The following NTNG1 variants were observed in gnomAD, a reference collection of about 807,000 sequenced individuals.
NTNG1 encodes netrin-G1.
NTNG1 carries 16 observed loss-of-function variants against 54.0 expected under a neutral mutation model. The ratio of observed to expected loss-of-function variants is 0.30; its 90% CI spans 0.20 to 0.45. The LOEUF (loss-of-function observed/expected upper bound fraction) is 0.45, where lower values mean the gene tolerates loss of function less well. NTNG1 is among the 20% of genes least tolerant of loss of function. The pLI, the probability that NTNG1 is intolerant of heterozygous loss-of-function variation, is 1.00. For missense variants in NTNG1, 530 were observed against 678.7 expected, an observed-to-expected ratio of 0.78 and a Z score of 2.43; for synonymous variants, 255 against 263.1, an observed-to-expected ratio of 0.97 and a Z score of 0.30.
intron 2 of NTNG1, among the ~76,000 whole-genome samples, chr1:107,179,104 A>G (rs2101123872): frequency 6.6e-6 from 1 of 152,336 alleles, no homozygotes. Context: ...GGGCCCTGAA[A>G]GATGGGCTCT....
rs540599788 is a variant in NTNG1 at position 107,266,097 on chromosome 1, G to A, written c.247-58185G>A. ...ATTGCTTATCTTCTTCTTTTTCCTGGAATGTGAAATCCTATGTCTCATTCA... is the reference window on the plus strand; with the variant it reads ...ATTGCTTATCTTCTTCTTTTTCCTGAAATGTGAAATCCTATGTCTCATTCA... On this transcript the variant is annotated intron_variant, in intron 2 of 7. Coordinates refer to ENST00000370068, the MANE Select transcript of NTNG1 (RefSeq NM_001113226.3). Among the ~76,000 whole-genome samples the A allele has an allele frequency of 2.0e-5, 3 of 152,108 alleles. No individual in the cohort carries two copies. The South Asian group carries it at 6.2e-4, about 32-fold the overall frequency.
chr1:107,364,088 T>A (rs145002831), intron 3 of NTNG1, among the ~76,000 whole-genome samples: 269 of 152,320 alleles, frequency 1.8e-3, no homozygotes, highest in African/African-American at 5.8e-3. Flanking sequence ...CTTATTTTAT[T>A]GAAAATATGT....
intron 2 of NTNG1, among the ~76,000 whole-genome samples, chr1:107,247,064 T>C (rs1257079263): frequency 6.6e-6 from 1 of 152,128 alleles, no homozygotes; most frequent in Admixed American, 6.5e-5. Flanking sequence ...CTAAAGTACA[T>C]TTGAGGAGAC....
chr1:107,349,662 C>A (rs1669480894), intron 3 of NTNG1, among the ~76,000 whole-genome samples: 1 of 152,090 alleles, frequency 6.6e-6, no homozygotes, highest in Admixed American at 6.6e-5. Context: ...AGTTTTAGCA[C>A]ATGGATACTT....
At chr1:107,221,816 T>G (rs1221783383) in intron 2 of NTNG1, among the ~76,000 whole-genome samples, 1 of 152,100 alleles carries the variant, frequency 6.6e-6, no homozygotes, top group Non-Finnish European at 1.5e-5. Flanking sequence ...TGCCATCCTT[T>G]GGAAAGTTGA....
At chr1:107,454,430 G>A (rs1676809889) in intron 7 of NTNG1, among the ~76,000 whole-genome samples, 1 of 152,140 alleles carries the variant, frequency 6.6e-6, no homozygotes, top group African/African-American at 2.4e-5. Flanking sequence ...AGTAGACACT[G>A]CTGAGACATA....
chr1:107,440,967 T>C (rs943063154), intron 7 of NTNG1, among the ~76,000 whole-genome samples: 19 of 152,140 alleles, frequency 1.2e-4, no homozygotes, highest in African/African-American at 4.6e-4. Context: ...TAATAAGATT[T>C]CAAGCAGGCC....
intron 7 of NTNG1, among the ~76,000 whole-genome samples, chr1:107,437,620 A>T (rs1003354323): frequency 3.3e-5 from 5 of 152,238 alleles, no homozygotes; most frequent in African/African-American, 1.2e-4. Context: ...TAGAAAATCA[A>T]GCAAGCCACA....
At chr1:107,367,824 C>T (rs979645560) in intron 3 of NTNG1, among the ~76,000 whole-genome samples, 4 of 151,896 alleles carry the variant, frequency 2.6e-5, no homozygotes, top group African/African-American at 4.8e-5. Context: ...TGCAGTGGTG[C>T]GATCTCAGCT....
At chr1:107,431,032 A>G in intron 6 of NTNG1, 115 bp downstream of exon 6, 1 of 845,564 alleles carries the variant, frequency 1.2e-6, no homozygotes. Flanking sequence ...AACTTTCTCA[A>G]TGTAGAAAAT....
chr1:107,255,591 C>G (rs1297046553), intron 2 of NTNG1, among the ~76,000 whole-genome samples: 2 of 152,116 alleles, frequency 1.3e-5, no homozygotes, highest in Non-Finnish European at 2.9e-5. Context: ...CATTAACTGC[C>G]CTTTTGTCTC....
chr1:107,383,279 C>T (rs957178069), intron 3 of NTNG1, among the ~76,000 whole-genome samples: 8 of 152,208 alleles, frequency 5.3e-5, no homozygotes, highest in Non-Finnish European at 8.8e-5. Flanking sequence ...CAGAGCCTGC[C>T]TGAACTCTGT....
rs1352452646 is a variant in NTNG1 at position 107,148,574 on chromosome 1, A to G, written c.-20A>G. 1 of 1,610,366 alleles carries G rather than the reference A, an allele frequency of 6.2e-7. No homozygotes were observed. Among genetic ancestry groups the G allele is most frequent in the African/African-American group, 1.3e-5 (1 of 74,826 alleles). On this transcript the variant is annotated 5_prime_UTR_variant, in exon 2 of 8. Coordinates refer to ENST00000370068, the MANE Select transcript of NTNG1 (RefSeq NM_001113226.3). ...GCAAGCTCTGCTTTAGTTTCCAAGA[A>G]GATTACAAAGAATTTAGAGATGTAT...
intron 3 of NTNG1, among the ~76,000 whole-genome samples, chr1:107,384,787 C>T (rs890805148): frequency 2.0e-5 from 3 of 152,168 alleles, no homozygotes; most frequent in African/African-American, 7.2e-5. Flanking sequence ...TACAGGAATT[C>T]GTATGCAAAT....
chr1:107,354,395 G>A (rs1669813703), intron 3 of NTNG1, among the ~76,000 whole-genome samples: 2 of 150,226 alleles, frequency 1.3e-5, no homozygotes, highest in Admixed American at 1.3e-4. Flanking sequence ...CTTGAACCCG[G>A]GAGGTGGAGC....
chr1:107,477,147 C>T (rs1053774451), intron 7 of NTNG1, among the ~76,000 whole-genome samples: 5 of 152,194 alleles, frequency 3.3e-5, no homozygotes, highest in African/African-American at 1.2e-4. Context: ...CTGAAACCTG[C>T]ACCTCTAAGG....
At chr1:107,366,088 A>G (rs1043713179) in intron 3 of NTNG1, among the ~76,000 whole-genome samples, 4 of 152,168 alleles carry the variant, frequency 2.6e-5, no homozygotes, top group African/African-American at 9.7e-5. Flanking sequence ...TCACCTGGGC[A>G]GTTCTGTTAG....
rs751668 is a variant in NTNG1, at chr1:107,404,754, A to G, written c.1061-2928A>G. 1.8e-4 allele frequency among the ~76,000 whole-genome samples: 28 copies of G among 152,288 alleles called. 1 individual carries two copies. In the East Asian group the frequency reaches 5.0e-3, roughly 27 times the overall value. ...ATCATGGAGGCCTGTACAAAATGCT[A>G]TGGGATCACAAAGGAGAGAGTAGCT... On this transcript the variant is annotated intron_variant, in intron 4 of 7. Transcript: ENST00000370068.
At chr1:107,443,325 A>C in intron 7 of NTNG1, among the ~76,000 whole-genome samples, 1 of 152,116 alleles carries the variant, frequency 6.6e-6, no homozygotes, top group East Asian at 1.9e-4. Context: ...AGAGACTTAA[A>C]TAACTCCTTT....
Sources: gnomAD v4.1 joint callset for allele counts (sites outside exome capture counted in the v4.1 genomes callset) on GRCh38, gnomAD v4.1.1 for gene constraint, MANE v1.5 for transcripts, NCBI Gene and HGNC (gene_info 2026-07-23, HGNC 2026-07-21) for gene names.